TM4SF1: variants seen among roughly 807,000 people sequenced by gnomAD.
The protein encoded by TM4SF1 is transmembrane 4 L six family member 1.
Under a neutral mutation model 24.5 loss-of-function variants are expected in TM4SF1, and 20 were observed. That is an observed-to-expected ratio of 0.82 (90% CI 0.57 to 1.19). The LOEUF (loss-of-function observed/expected upper bound fraction) is 1.19. TM4SF1 is among the 50% of genes most tolerant of loss of function. The pLI is 0.00. For synonymous variants in TM4SF1, 107 were observed against 95.4 expected (o/e 1.12, Z -0.71); for missense variants, 258 against 248.1 (o/e 1.04, Z -0.27).
chr3:149,372,340 G>C (rs770113456), intron 3 of TM4SF1, among the ~76,000 whole-genome samples: 264 of 151,834 alleles, frequency 1.7e-3, no homozygotes, highest in Admixed American at 2.9e-3. Flanking sequence ...TGTTGTTATT[G>C]GTATAAAAGA....
rs768657474 is a variant in TM4SF1, at chr3:149,369,804, G to A, written c.*62C>T. On this transcript the variant is annotated 3_prime_UTR_variant, in exon 5 of 5. Coordinates refer to ENST00000305366, the MANE Select transcript of TM4SF1 (RefSeq NM_014220.3). ...TACAAAGTTTTACAAATGAATACAA[G>A]TGAAATATATAAATTACAATGAAAT... 1.2e-6 allele frequency: 2 copies of A among 1,603,638 alleles called. No individual in the cohort carries two copies. Among genetic ancestry groups the A allele is most frequent in the Middle Eastern group, 1.7e-4 (1 of 6,016 alleles).
chr3:149,373,386 G>A (rs1005476845), intron 3 of TM4SF1, among the ~76,000 whole-genome samples: 4 of 152,100 alleles, frequency 2.6e-5, no homozygotes, highest in Admixed American at 1.3e-4. Flanking sequence ...AGAGTATTTG[G>A]ATTCTTAACA....
Position 149,377,422 on chromosome 3 carries a change from G to C in TM4SF1, c.126C>G (p.His42Gln). ...NGETKYASEN[H>Q]LSRFVWFFSG... ...AAAAGAACCACACGAAGCGGCTGAG[G>C]TGGTTTTCGGAGGCATACTTTGTTT... Residue 42 changes from histidine (H) to glutamine (Q), a missense_variant, in exon 1 of 5, where the codon CAC becomes CAG. Physicochemically the swap from His to Gln is conservative, Grantham distance 24. Transcript: ENST00000305366. The C allele has an allele frequency of 6.2e-7, 1 of 1,614,192 alleles. No individual in the cohort carries two copies. Among genetic ancestry groups the C allele is most frequent in the Non-Finnish European group, 8.5e-7 (1 of 1,180,040 alleles).
Position 149,377,358 on chromosome 3 carries a change from C to T in TM4SF1, c.177+13G>A. On this transcript the variant is annotated intron_variant, in intron 1 of 4. Transcript: ENST00000305366. ...AACAGGAGAGAATTCAGTAATAATC[C>T]TGAATGACTTACCAGCAGGCCACCT... 6.2e-7 allele frequency: 1 copy of T among 1,609,690 alleles called. No homozygotes were observed. Among genetic ancestry groups the T allele is most frequent in the South Asian group, 1.1e-5 (1 of 90,086 alleles).
intron 1 of TM4SF1, among the ~76,000 whole-genome samples, chr3:149,376,562 C>T (rs1475315593): frequency 6.6e-6 from 1 of 152,152 alleles, no homozygotes; most frequent in Non-Finnish European, 1.5e-5. Flanking sequence ...GCAGATTTGC[C>T]ATGCCATAAT....
At position 149,369,683 on chromosome 3, in the gene TM4SF1, A is replaced by C. The variant is rs1338858846; in HGVS notation, c.*183T>G. 4.4e-6 allele frequency: 3 copies of C among 688,200 alleles called. No homozygotes were observed. The highest frequency in any genetic ancestry group is 6.9e-6 in the Non-Finnish European group (3 of 436,386). 42.6% of individuals were successfully genotyped at this position (688,200 alleles called of 1,614,324 possible). A position where few individuals can be genotyped will look rare whatever the true frequency, so the allele number is the denominator to read the frequency against. On this transcript the variant is annotated 3_prime_UTR_variant, in exon 5 of 5. Transcript: ENST00000305366. ...AAACAAAAACAAATAAACAAACAAA[A>C]AAGAAGTTTACTAAATTTAAACACT...
chr3:149,373,747 T>G (rs1235082467), intron 3 of TM4SF1, among the ~76,000 whole-genome samples: 1 of 152,200 alleles, frequency 6.6e-6, no homozygotes, highest in Non-Finnish European at 1.5e-5. Flanking sequence ...CAGTTTTAAA[T>G]GAAGAATGAC....
rs1040729167 is a variant in TM4SF1 at position 149,377,599 on chromosome 3, C to A, written c.-52G>T. ...TCTCTTTGTCTTCAGCTCAGTGATA[C>A]CCCAAATTAGATGAAAGTGTGCCCT... On this transcript the variant is annotated 5_prime_UTR_variant, in exon 1 of 5. Transcript: ENST00000305366. 2.6e-6 allele frequency: 4 copies of A among 1,565,596 alleles called. No individual in the cohort carries two copies. The highest frequency in any genetic ancestry group is 3.5e-6 in the Non-Finnish European group (4 of 1,155,032).
intron 1 of TM4SF1, 112 bp downstream of exon 1, chr3:149,377,258 CA>C (rs1731976981): frequency 7.3e-7 from 1 of 1,370,604 alleles, no homozygotes; most frequent in Non-Finnish European, 9.8e-7. Flanking sequence ...TGAACAGCAA[CA>C]AAAAAGTCAC....
Position 149,377,487 on chromosome 3 carries a change from A to C in TM4SF1, c.61T>G (p.Cys21Gly). 6.2e-7 allele frequency: 1 copy of C among 1,614,186 alleles called. No homozygotes were observed. The highest frequency in any genetic ancestry group is 8.5e-7 in the Non-Finnish European group (1 of 1,180,044). The change falls in exon 1 of 5, where the codon TGC becomes GGC. Residue 21 changes from cysteine (C) to glycine (G), a missense_variant. Cys to Gly is a radical substitution (Grantham distance 159, BLOSUM62 -3). Transcript: ENST00000305366. Reference protein sequence around the residue: ...GHSLVGLALLCIAANILLYFP... With the variant: ...GHSLVGLALLGIAANILLYFP... Reference sequence around the variant, plus strand: ...TAAAGCAAAATATTAGCCGCGATGCACAGGAGGGCGAGCCCCACCAGAGAA... The same window carrying C: ...TAAAGCAAAATATTAGCCGCGATGCCCAGGAGGGCGAGCCCCACCAGAGAA...
intron 3 of TM4SF1, 30 bp from the exon 4 acceptor site, chr3:149,371,897 A>G: frequency 6.2e-7 from 1 of 1,609,436 alleles, no homozygotes; most frequent in South Asian, 1.1e-5. Flanking sequence ...CTTCTGACAC[A>G]CGGTCATACT....
At chr3:149,375,263 G>A (rs1253717239) in intron 3 of TM4SF1, among the ~76,000 whole-genome samples, 180 bp downstream of exon 3, 1 of 152,128 alleles carries the variant, frequency 6.6e-6, no homozygotes, top group Non-Finnish European at 1.5e-5. Context: ...TGTTTAGGTC[G>A]GGGACTGGGG....
intron 4 of TM4SF1, chr3:149,370,112 G>A: frequency 2.2e-6 from 1 of 444,878 alleles, no homozygotes; most frequent in Non-Finnish European, 3.9e-6. Context: ...AGAAACTGCA[G>A]GATACTGATA....
chr3:149,373,847 C>T (rs1731888374), intron 3 of TM4SF1, among the ~76,000 whole-genome samples: 1 of 152,196 alleles, frequency 6.6e-6, no homozygotes, highest in Non-Finnish European at 1.5e-5. Flanking sequence ...TTTAGCAATA[C>T]TACCACCTCT....
Position 149,375,450 on chromosome 3 carries a change from C to T in TM4SF1, c.406G>A (p.Glu136Lys), listed in dbSNP as rs775442660. ...GQWNYTFAST[E>K]GQYLLDTSTW... ...TAGAGAGTAATTACATACTGGCCCT[C>T]AGTGCTGGCAAAGGTGTAGTTCCAC... The change falls in exon 3 of 5, where the codon GAG becomes AAG. Residue 136 changes from glutamate to lysine, a missense_variant. By Grantham distance (56) the Glu-to-Lys change is moderately conservative (BLOSUM62 1). Transcript: ENST00000305366. 5 of 1,614,100 alleles carry T rather than the reference C, an allele frequency of 3.1e-6. No individual in the cohort carries two copies. The highest frequency in any genetic ancestry group is 2.2e-5 in the South Asian group (2 of 91,068).
At chr3:149,371,459 T>G (rs1392168561) in intron 4 of TM4SF1, 1 of 605,758 alleles carries the variant, frequency 1.7e-6, no homozygotes, top group East Asian at 2.7e-5. Context: ...CATGTTCTTG[T>G]GTACATAGAG....
At chr3:149,370,916 G>T (rs1053052121) in intron 4 of TM4SF1, 3 of 152,088 alleles carry the variant, frequency 2.0e-5, no homozygotes, top group African/African-American at 4.8e-5. Flanking sequence ...ATCAAAGCTG[G>T]ACTTTCATTA....
rs766236764 is a variant in TM4SF1, at chr3:149,371,803, C to T, written c.478G>A (p.Val160Ile). Residue 160 changes from valine (V) to isoleucine (I), a missense_variant, in exon 4 of 5, where the codon GTA becomes ATA. Transcript: ENST00000305366. ...TEPKHIVEWN[V>I]SLFSILLALG... ...GCCAAGAGGATAGAAAACAGAGATA[C>T]ATTCCATTCCACAATGTGCTTGGGT... The T allele has an allele frequency of 5.6e-6, 9 of 1,613,974 alleles. No homozygotes were observed. The East Asian group carries it at 6.7e-5, about 12-fold the overall frequency.
chr3:149,369,152 T>C lies in TM4SF1; in HGVS notation c.*714A>G, dbSNP rs3203692. On this transcript the variant is annotated 3_prime_UTR_variant, in exon 5 of 5. Transcript: ENST00000305366. ...TGCTTTATTCAGTTTCCCATCTTTC[T>C]TCTTGCCCAGTCATCGTAGCCTTTC... 1 of 152,238 alleles carries C rather than the reference T, an allele frequency of 6.6e-6. No individual in the cohort carries two copies. The highest frequency in any genetic ancestry group is 2.4e-5 in the African/African-American group (1 of 41,462). The allele number at this position is 152,238 out of a possible 1,614,324, so 9.4% of individuals were successfully genotyped here.
Sources: gnomAD v4.1 joint callset for allele counts (sites outside exome capture counted in the v4.1 genomes callset) on GRCh38, gnomAD v4.1.1 for gene constraint, MANE v1.5 for transcripts, NCBI Gene and HGNC (gene_info 2026-07-23, HGNC 2026-07-21) for gene names.